The following TMEM178B variants were observed in gnomAD, a reference collection of about 807,000 sequenced individuals.
TMEM178B encodes transmembrane protein 178B.
A neutral mutation model predicts 31.0 loss-of-function variants in TMEM178B; 5 were observed. The ratio of observed to expected loss-of-function variants is 0.16; its 90% CI spans 0.08 to 0.34. The LOEUF is 0.34. Among genes scored for constraint, TMEM178B ranks in the 10% least tolerant of loss-of-function variants. The pLI is 1.00. For synonymous variants in TMEM178B, 164 were observed against 164.0 expected, an observed-to-expected ratio of 1.00 and a Z score of 0.00; for missense variants, 275 against 400.3, an observed-to-expected ratio of 0.69 and a Z score of 2.67.
At chr7:141,309,310 T>C (rs889515134) in intron 2 of TMEM178B, among the ~76,000 whole-genome samples, 4 of 152,206 alleles carry the variant, frequency 2.6e-5, no homozygotes, top group African/African-American at 9.7e-5. Flanking sequence ...GTGTTCTGCC[T>C]TTTGCTCTTT....
At chr7:141,463,110 G>A (rs142317729) in intron 3 of TMEM178B, among the ~76,000 whole-genome samples, 35 of 152,282 alleles carry the variant, frequency 2.3e-4, no homozygotes, top group Non-Finnish European at 3.2e-4. Flanking sequence ...TTGGGGTGGT[G>A]CCATCCCTTC....
At chr7:141,229,331 T>C (rs1220455234) in intron 2 of TMEM178B, among the ~76,000 whole-genome samples, 1 of 152,046 alleles carries the variant, frequency 6.6e-6, no homozygotes, top group African/African-American at 2.4e-5. Context: ...GGTCAGGCAT[T>C]GTCACCGAAT....
intron 1 of TMEM178B, among the ~76,000 whole-genome samples, chr7:141,158,466 T>C (rs906832085): frequency 1.4e-4 from 21 of 152,208 alleles, no homozygotes; most frequent in African/African-American, 5.1e-4. Flanking sequence ...TCAATGTCTG[T>C]ATCCCTTATA....
At chr7:141,288,102 G>T (rs1167138330) in intron 2 of TMEM178B, among the ~76,000 whole-genome samples, 1 of 152,038 alleles carries the variant, frequency 6.6e-6, no homozygotes, top group Non-Finnish European at 1.5e-5. Context: ...TGCGGTTGGG[G>T]ACCCCTCCTC....
chr7:141,459,787 A>T (rs1385610422), intron 3 of TMEM178B, among the ~76,000 whole-genome samples: 2 of 152,132 alleles, frequency 1.3e-5, no homozygotes, highest in African/African-American at 4.8e-5. Context: ...AGTCCTTGGG[A>T]TGGCTTCAGA....
chr7:141,211,623 C>G (rs1233376510), intron 1 of TMEM178B, among the ~76,000 whole-genome samples: 1 of 152,158 alleles, frequency 6.6e-6, no homozygotes, highest in Non-Finnish European at 1.5e-5. Context: ...CCGAGATGAG[C>G]AAGCGTCAAT....
At chr7:141,170,492 G>A (rs184064293) in intron 1 of TMEM178B, among the ~76,000 whole-genome samples, 2 of 152,176 alleles carry the variant, frequency 1.3e-5, no homozygotes, top group African/African-American at 2.4e-5. Flanking sequence ...GTGTTCACCT[G>A]TAGATGGGAA....
chr7:141,247,204 TACA>T (rs1797750217), intron 2 of TMEM178B, among the ~76,000 whole-genome samples: 1 of 149,976 alleles, frequency 6.7e-6, no homozygotes, highest in Non-Finnish European at 1.5e-5. Flanking sequence ...GGTTTCTCTC[TACA>T]CACACACACA....
rs1312613031 is a variant in TMEM178B at position 141,442,312 on chromosome 7, G to A, written c.634+4567G>A. Among the ~76,000 whole-genome samples the A allele has an allele frequency of 2.6e-5, 4 of 152,236 alleles. No individual in the cohort carries two copies. In the East Asian group the frequency reaches 7.8e-4, roughly 30 times the overall value. On this transcript the variant is annotated intron_variant, in intron 3 of 3. Coordinates refer to ENST00000565468, the MANE Select transcript of TMEM178B (RefSeq NM_001195278.2). ...TCCATGATCTTTTGTCTAGGCTAAT[G>A]CTGGAGCCTCCTCTCTAAACGCCCT...
At position 141,255,799 on chromosome 7, in the gene TMEM178B, C is replaced by A. The variant is rs1263553266; in HGVS notation, c.496+43095C>A. ...CAAACTCTTGGGCTCCAGCCATCCT[C>A]TCACCTTGGCCCCCCAAAGTGCTGG... On this transcript the variant is annotated intron_variant, in intron 2 of 3. Transcript: ENST00000565468. Among the ~76,000 whole-genome samples, 3 of 152,150 alleles carry A rather than the reference C, an allele frequency of 2.0e-5. 1 individual carries two copies. The highest frequency in any genetic ancestry group is 4.4e-5 in the Non-Finnish European group (3 of 68,030).
chr7:141,115,380 G>T (rs1795302622), intron 1 of TMEM178B, among the ~76,000 whole-genome samples: 1 of 152,096 alleles, frequency 6.6e-6, no homozygotes, highest in Non-Finnish European at 1.5e-5. Context: ...GAAGGACAGA[G>T]GGGACTCCAG....
intron 2 of TMEM178B, among the ~76,000 whole-genome samples, chr7:141,258,161 CATAT>C (rs56343433): frequency 0.52 from 76,788 of 146,758 alleles, 21,131 homozygotes; most frequent in African/African-American, 0.71. Context: ...ATTATTATCT[CATAT>C]ATATATATAT....
chr7:141,131,721 T>G (rs149001255), intron 1 of TMEM178B, among the ~76,000 whole-genome samples: 71 of 152,332 alleles, frequency 4.7e-4, no homozygotes, highest in Non-Finnish European at 9.7e-4. Flanking sequence ...ATTTGGGTAG[T>G]TTCTAGTTTT....
chr7:141,278,197 G>A (rs1419045297), intron 2 of TMEM178B, among the ~76,000 whole-genome samples: 1 of 152,218 alleles, frequency 6.6e-6, no homozygotes. Context: ...CAGAATGAAG[G>A]CTTTGTTCCC....
intron 2 of TMEM178B, among the ~76,000 whole-genome samples, chr7:141,333,584 C>G (rs1244083152): frequency 6.6e-6 from 1 of 152,174 alleles, no homozygotes; most frequent in South Asian, 2.1e-4. Context: ...GGCCTCCTGA[C>G]CATTGTGGCA....
chr7:141,485,435 G>A, the TMEM178B span, among the ~76,000 whole-genome samples: 2 of 152,130 alleles, frequency 1.3e-5, no homozygotes, highest in East Asian at 3.8e-4. Context: ...AACAAGTGGG[G>A]ATAATAAAAT....
chr7:141,140,066 A>G (rs920997970), intron 1 of TMEM178B, among the ~76,000 whole-genome samples: 107 of 152,226 alleles, frequency 7.0e-4, no homozygotes, highest in African/African-American at 2.5e-3. Flanking sequence ...GCACCCGGCC[A>G]GAGGTTCTTC....
intron 1 of TMEM178B, among the ~76,000 whole-genome samples, chr7:141,138,187 G>A (rs1204516406): frequency 3.3e-5 from 5 of 151,356 alleles, no homozygotes; most frequent in East Asian, 1.9e-4. Context: ...TCAGCCTCCC[G>A]AATAGCTGGG....
chr7:141,510,685 C>CAAAAAAAAAAAAAAAGAAAAAAA, the TMEM178B span, among the ~76,000 whole-genome samples: 2 of 24,954 alleles, frequency 8.0e-5, no homozygotes, highest in Non-Finnish European at 6.7e-5. Context: ...AACTCCGTCT[C>CAAAAAAAAAAAAAAAGAAAAAAA]AAAAAAAAAA....
Sources: allele counts gnomAD v4.1 joint callset (sites outside exome capture counted in the v4.1 genomes callset), GRCh38; gene constraint gnomAD v4.1.1; transcripts MANE v1.5; gene names NCBI Gene and HGNC (gene_info 2026-07-23, HGNC 2026-07-21).